Variants in MYT1 observed in about 807,000 individuals in gnomAD.
MYT1 encodes the protein myelin transcription factor I.
In MYT1, 23 loss-of-function variants were observed where a neutral mutation model predicts 123.0. The observed-to-expected ratio is 0.19, with a 90% CI of 0.13 to 0.26. The LOEUF is 0.26. MYT1 is among the 10% of genes least tolerant of loss of function. The pLI, the probability that MYT1 is intolerant of heterozygous loss-of-function variation, is 1.00. For synonymous variants in MYT1, 518 were observed against 575.3 expected (o/e 0.90, Z 1.43); for missense variants, 1,125 against 1,472.5 (o/e 0.76, Z 3.86).
intron 13 of MYT1, 23 bp from the exon 14 acceptor site, chr20:64,221,870 A>G: frequency 1.2e-6 from 2 of 1,611,576 alleles, no homozygotes; most frequent in Non-Finnish European, 1.7e-6. Context: ...CGGTTAAAAC[A>G]TCTTCCTGCT....
chr20:64,227,839 A>C, intron 17 of MYT1, 49 bp from the exon 18 acceptor site: 6 of 1,550,546 alleles, frequency 3.9e-6, no homozygotes, highest in Non-Finnish European at 5.3e-6. Flanking sequence ...GGGTGTGAGA[A>C]GCTGCGGTTC....
intron 14 of MYT1, 137 bp downstream of exon 14, chr20:64,222,184 G>A: frequency 1.1e-6 from 1 of 874,792 alleles, no homozygotes; most frequent in Non-Finnish European, 1.7e-6. Context: ...GAGCCAGGCA[G>A]CCTGTGACAG....
At position 64,205,726 on chromosome 20, in the gene MYT1, C is replaced by A. The variant is rs371384703; in HGVS notation, c.323C>A (p.Ser108Ter). 6.2e-7 allele frequency: 1 copy of A among 1,614,020 alleles called. No individual in the cohort carries two copies. The highest frequency in any genetic ancestry group is 1.3e-5 in the African/African-American group (1 of 74,924). ...AAGGACGCCTCTGTTTCGGATGAATCGGAAGGAACTCTGGAGGGGGCCGAG... is the reference window on the plus strand; with the variant it reads ...AAGGACGCCTCTGTTTCGGATGAATAGGAAGGAACTCTGGAGGGGGCCGAG... Reference protein sequence around the residue: ...EVKDASVSDESEGTLEGAEAE... With the variant: ...EVKDASVSDE The change falls in exon 6 of 23, where the codon TCG becomes TAG. Residue 108 changes from serine (S) to a stop codon, truncating the protein, a stop_gained. Coordinates refer to ENST00000328439, the MANE Select transcript of MYT1 (RefSeq NM_004535.3). LOFTEE classifies it high-confidence loss of function.
chr20:64,198,975 C>A, intron 3 of MYT1, 59 bp downstream of exon 3: 1 of 1,576,812 alleles, frequency 6.3e-7, no homozygotes, highest in Admixed American at 1.7e-5. Context: ...CGCGGTCTTC[C>A]TCAGGAGCAC....
At chr20:64,239,720 G>C (rs1430188151) in intron 21 of MYT1, 40 bp from the exon 22 acceptor site, 1 of 1,611,688 alleles carries the variant, frequency 6.2e-7, no homozygotes, top group African/African-American at 1.3e-5. Context: ...GAGGATGGGG[G>C]CCAAGGGCAG....
At chr20:64,233,588 A>G (rs1325454718) in intron 19 of MYT1, among the ~76,000 whole-genome samples, 2 of 147,250 alleles carry the variant, frequency 1.4e-5, no homozygotes, top group African/African-American at 5.1e-5. Flanking sequence ...TTGGAGAGAG[A>G]GCAGAGAAAA....
chr20:64,227,805 T>A, intron 17 of MYT1, 83 bp from the exon 18 acceptor site: 1 of 721,382 alleles, frequency 1.4e-6, no homozygotes, highest in Non-Finnish European at 2.2e-6. Flanking sequence ...GTCACAGAGC[T>A]TGAGGGGAGA....
intron 14 of MYT1, among the ~76,000 whole-genome samples, chr20:64,222,707 C>T (rs1418051401): frequency 2.6e-5 from 4 of 152,202 alleles, no homozygotes; most frequent in Non-Finnish European, 4.4e-5. Context: ...CCCTCTTCTC[C>T]CCAACCTGAA....
In MYT1 at chr20:64,203,172, G is replaced by T. The variant is rs1303701664; in HGVS notation, c.87-1863G>T. ...CTGAGGCTGGGGCCGGAAGGTGCAG[G>T]CCCACCTTCCTGGGGACCAGGACTC... On this transcript the variant is annotated intron_variant, in intron 4 of 22. Coordinates refer to ENST00000328439, the MANE Select transcript of MYT1 (RefSeq NM_004535.3). This position sits in a 1 kb window ranked among gnomAD's most constrained non-coding sequence, Gnocchi z 5.1. Among the ~76,000 whole-genome samples, 1 of 152,192 alleles carries T rather than the reference G, an allele frequency of 6.6e-6. No individual in the cohort carries two copies. The highest frequency in any genetic ancestry group is 1.5e-5 in the Non-Finnish European group (1 of 68,022).
Position 64,227,610 on chromosome 20 carries a change from C to T in MYT1, c.2591+133C>T, listed in dbSNP as rs980708548. The T allele has an allele frequency of 1.3e-5, 12 of 903,356 alleles. No individual in the cohort carries two copies. The South Asian group carries it at 1.7e-4, about 13-fold the overall frequency. 56.0% of individuals were successfully genotyped at this position (903,356 alleles called of 1,614,324 possible). On this transcript the variant is annotated intron_variant, in intron 17 of 22. Transcript: ENST00000328439. ...CCATCTCTTTAATCTGAATTGTTGCCATTTCCAGAACCTGATTAAGTTGTC... is the reference window on the plus strand; with the variant it reads ...CCATCTCTTTAATCTGAATTGTTGCTATTTCCAGAACCTGATTAAGTTGTC...
chr20:64,165,333 C>G (rs989566007), intron 1 of MYT1, among the ~76,000 whole-genome samples: 1 of 152,044 alleles, frequency 6.6e-6, no homozygotes. Context: ...AAATATCGGC[C>G]GCTCCTCTCA....
rs1022223650 is a variant in MYT1, at chr20:64,190,841, C to T, written c.-1+681C>T. Among the ~76,000 whole-genome samples, 4 of 152,160 alleles carry T rather than the reference C, an allele frequency of 2.6e-5. No homozygotes were observed. Among genetic ancestry groups the T allele is most frequent in the Non-Finnish European group, 5.9e-5 (4 of 68,004 alleles). On this transcript the variant is annotated intron_variant, in intron 2 of 22. Coordinates refer to ENST00000328439, the MANE Select transcript of MYT1 (RefSeq NM_004535.3). The surrounding 1 kb of genome is among the most constrained non-coding windows in gnomAD (Gnocchi z 4.1). ...AAAATTAGCCGGGCATGGTGGCATG[C>T]GCCTGTAATCCCAGCTACTGGGGAG...
In MYT1 at chr20:64,208,218, C is replaced by G. The variant is rs775043437; in HGVS notation, c.1022C>G (p.Ser341Cys). Residue 341 changes from serine to cysteine, a missense_variant, in exon 7 of 23, where the codon TCT becomes TGT. Coordinates refer to ENST00000328439, the MANE Select transcript of MYT1 (RefSeq NM_004535.3). This position sits in a 1 kb window ranked among gnomAD's most constrained non-coding sequence, Gnocchi z 5.4. Reference protein sequence around the residue: ...PESPSPKPEYSVIVEVRSDDD... With the variant: ...PESPSPKPEYCVIVEVRSDDD... ...TCACCCAGTCCCAAGCCTGAGTACT[C>G]TGTTATTGTGGAGGTCCGCTCGGAT... 1.9e-6 allele frequency: 3 copies of G among 1,613,976 alleles called. No homozygotes were observed. The highest frequency in any genetic ancestry group is 1.1e-5 in the South Asian group (1 of 91,086).
rs535099064 is a variant in MYT1 at position 64,203,674 on chromosome 20, G to C, written c.87-1361G>C. 6.6e-6 allele frequency among the ~76,000 whole-genome samples: 1 copy of C among 152,212 alleles called. No homozygotes were observed. Among genetic ancestry groups the C allele is most frequent in the Non-Finnish European group, 1.5e-5 (1 of 68,042 alleles). ...CCCCATGGCTGCTGTTGAGCCAGGG[G>C]ATAGGGTAAGGCCTGGATTCTGCTG... On this transcript the variant is annotated intron_variant, in intron 4 of 22. Coordinates refer to ENST00000328439, the MANE Select transcript of MYT1 (RefSeq NM_004535.3). This position sits in a 1 kb window ranked among gnomAD's most constrained non-coding sequence, Gnocchi z 5.1.
At chr20:64,188,368 A>G (rs1383258747) in intron 1 of MYT1, among the ~76,000 whole-genome samples, 1 of 152,076 alleles carries the variant, frequency 6.6e-6, no homozygotes, top group Admixed American at 6.5e-5. Flanking sequence ...TTGCATATAT[A>G]CATATGTAAT....
At chr20:64,235,390 G>A (rs1984483287) in intron 19 of MYT1, among the ~76,000 whole-genome samples, 1 of 139,572 alleles carries the variant, frequency 7.2e-6, no homozygotes, top group South Asian at 2.4e-4. Flanking sequence ...GTGGTGGTGG[G>A]TGACCCTTGG....
In MYT1 at chr20:64,208,587, G is replaced by A; in HGVS notation, c.1291+100G>A. 1 of 1,463,794 alleles carries A rather than the reference G, an allele frequency of 6.8e-7. No homozygotes were observed. The highest frequency in any genetic ancestry group is 9.0e-7 in the Non-Finnish European group (1 of 1,109,258). 90.7% of individuals were successfully genotyped at this position (1,463,794 alleles called of 1,614,324 possible). A position where few individuals can be genotyped will look rare whatever the true frequency, so the allele number is the denominator to read the frequency against. ...GAGCCCTTCTAGGACAGGGGGCTGG[G>A]GGATGGCAGAAAAGCAGACAAAAGG... On this transcript the variant is annotated intron_variant, in intron 7 of 22. Coordinates refer to ENST00000328439, the MANE Select transcript of MYT1 (RefSeq NM_004535.3). The surrounding 1 kb of genome is among the most constrained non-coding windows in gnomAD (Gnocchi z 5.4).
At position 64,170,898 on chromosome 20, in the gene MYT1, G is replaced by GAGAGAGAGAGAGAGAC. The variant is rs1982252117; in HGVS notation, c.-99+6174_-99+6175insCAGAGAGAGAGAGAGA. On this transcript the variant is annotated intron_variant, in intron 1 of 22. Coordinates refer to ENST00000328439, the MANE Select transcript of MYT1 (RefSeq NM_004535.3). ...ATATATATATATAGAGAGAGAGAGA[G>GAGAGAGAGAGAGAGAC]AGAGAGAGAGAGAGAGAGAGAGAGA... Among the ~76,000 whole-genome samples the GAGAGAGAGAGAGAGAC allele has an allele frequency of 2.0e-5, 2 of 98,244 alleles. 1 individual carries two copies. The highest frequency in any genetic ancestry group is 4.1e-5 in the Non-Finnish European group (2 of 49,322). 64.5% of individuals were successfully genotyped at this position (98,244 alleles called of 152,430 possible).
intron 8 of MYT1, among the ~76,000 whole-genome samples, 163 bp from the exon 9 acceptor site, chr20:64,211,884 TG>T (rs1568712720): frequency 1.3e-5 from 2 of 152,012 alleles, no homozygotes; most frequent in Admixed American, 1.3e-4. Flanking sequence ...TGCAGGCTCT[TG>T]GGGGCTGGAG....
Sources: gnomAD v4.1 joint callset for allele counts (sites outside exome capture counted in the v4.1 genomes callset) on GRCh38, gnomAD v4.1.1 for gene constraint, Gnocchi (gnomAD v3.1) non-coding constraint, MANE v1.5 for transcripts, NCBI Gene and HGNC (gene_info 2026-07-23, HGNC 2026-07-21) for gene names.